The following ZFYVE26 variants were observed in gnomAD, a reference collection of about 807,000 sequenced individuals.
The protein encoded by ZFYVE26 is zinc finger FYVE-type containing 26, also known as zinc finger FYVE domain-containing protein 26.
In ZFYVE26, 181 loss-of-function variants were observed where a neutral mutation model predicts 276.5. The ratio of observed to expected loss-of-function variants is 0.65; its 90% CI spans 0.58 to 0.74. The LOEUF (loss-of-function observed/expected upper bound fraction) is 0.74. Among genes scored for constraint, ZFYVE26 ranks in the 30% least tolerant of loss-of-function variants. The probability of loss-of-function intolerance (pLI) is 0.00; values close to 1 mark genes in which losing one functional copy is unlikely to be tolerated. For missense variants in ZFYVE26, 2,821 were observed against 3,097.9 expected (o/e 0.91, Z 2.12); for synonymous variants, 1,129 against 1,203.1 (o/e 0.94, Z 1.27).
intron 38 of ZFYVE26, 63 bp downstream of exon 38, chr14:67,754,008 A>T: frequency 6.2e-7 from 1 of 1,611,528 alleles, no homozygotes; most frequent in Non-Finnish European, 8.5e-7. Context: ...AGACAACTGC[A>T]ATTATGATAA....
intron 35 of ZFYVE26, among the ~76,000 whole-genome samples, chr14:67,758,118 A>C (rs1028077662): frequency 1.3e-5 from 2 of 152,216 alleles, no homozygotes; most frequent in Admixed American, 1.3e-4. Context: ...TAATTAACGG[A>C]GAGTCAAGGA....
chr14:67,811,357 A>G (rs17104700), intron 3 of ZFYVE26, among the ~76,000 whole-genome samples: 5,076 of 152,332 alleles, frequency 0.033, 197 homozygotes, highest in African/African-American at 0.087. Context: ...GATGTCATGC[A>G]AAAGTGGAAC....
At chr14:67,773,174 G>A (rs2039256903) in intron 27 of ZFYVE26, among the ~76,000 whole-genome samples, 1 of 152,108 alleles carries the variant, frequency 6.6e-6, no homozygotes, top group Non-Finnish European at 1.5e-5. Flanking sequence ...TTTGTTTTAT[G>A]AAAGTCCTTA....
chr14:67,792,239 A>G (rs888642496), intron 14 of ZFYVE26, among the ~76,000 whole-genome samples: 5 of 152,152 alleles, frequency 3.3e-5, no homozygotes, highest in African/African-American at 9.7e-5. Context: ...AACTCACATG[A>G]AAGAACAATT....
rs1382149772 is a variant in ZFYVE26, at chr14:67,776,006, T to A, written c.5075A>T (p.Asp1692Val). 8.7e-6 allele frequency: 14 copies of A among 1,614,036 alleles called. No homozygotes were observed. The Admixed American group carries it at 2.3e-4, about 27-fold the overall frequency. ...AGTCTGCACAGCCACAGTGGCCCAATCCACCTTCATGTTCATAAGCAGCTG... is the reference window on the plus strand; with the variant it reads ...AGTCTGCACAGCCACAGTGGCCCAAACCACCTTCATGTTCATAAGCAGCTG... The part of the protein sequence containing the change: ...LEQLLMNMKV[D>V]WATVAVQTLQ... The change falls in exon 26 of 42, where the codon GAT (aspartate) becomes GTT (valine). Residue 1692 changes from aspartate (D) to valine (V), a missense_variant. By Grantham distance (152) the Asp-to-Val change is radical. Transcript: ENST00000347230.
intron 13 of ZFYVE26, among the ~76,000 whole-genome samples, chr14:67,736,799 G>T (rs2038358188): frequency 6.6e-6 from 1 of 152,212 alleles, no homozygotes. Flanking sequence ...CTATAGGGGA[G>T]TGAGAGAAGC....
At chr14:67,751,135 G>C (rs1203358562) in intron 40 of ZFYVE26, 39 bp from the exon 41 acceptor site, 1 of 1,613,300 alleles carries the variant, frequency 6.2e-7, no homozygotes, top group Non-Finnish European at 8.5e-7. Context: ...AGGGAGAAGA[G>C]TCCCGCAGTC....
At chr14:67,787,056 G>A (rs1485196406) in intron 16 of ZFYVE26, among the ~76,000 whole-genome samples, 1 of 152,188 alleles carries the variant, frequency 6.6e-6, no homozygotes, top group Non-Finnish European at 1.5e-5. Context: ...GTAGTAAGGG[G>A]TGGGGGAAGA....
At chr14:67,805,821 G>A (rs184273346) in intron 6 of ZFYVE26, among the ~76,000 whole-genome samples, 237 of 152,308 alleles carry the variant, frequency 1.6e-3, no homozygotes, top group Non-Finnish European at 2.5e-3. Flanking sequence ...TTGAGGTCAG[G>A]AGTTTGAGAC....
intron 9 of ZFYVE26, among the ~76,000 whole-genome samples, chr14:67,803,873 A>C (rs1371373883): frequency 6.6e-6 from 1 of 152,222 alleles, no homozygotes; most frequent in Non-Finnish European, 1.5e-5. Flanking sequence ...ACAAGGACAA[A>C]GAATGCAGGA....
intron 12 of ZFYVE26, among the ~76,000 whole-genome samples, chr14:67,795,639 T>C (rs979351460): frequency 2.6e-5 from 4 of 152,148 alleles, no homozygotes; most frequent in African/African-American, 9.7e-5. Context: ...TCCTTTTAAT[T>C]TTTAAAAGAT....
In ZFYVE26 at chr14:67,775,944, T is replaced by C; in HGVS notation, c.5137A>G (p.Thr1713Ala). The C allele has an allele frequency of 1.2e-6, 2 of 1,614,216 alleles. No homozygotes were observed. The highest frequency in any genetic ancestry group is 1.7e-6 in the Non-Finnish European group (2 of 1,180,036). The change falls in exon 26 of 42, where the codon ACT becomes GCT. Residue 1713 changes from threonine (T) to alanine (A), a missense_variant. Coordinates refer to ENST00000347230, the MANE Select transcript of ZFYVE26 (RefSeq NM_015346.4). ...QLLVGQEIGF[T>A]MDEVDSLLSR... is the part of the protein sequence containing the mutation. ...AGCAGTGAGTCCACCTCGTCCATAG[T>C]GAAGCCAATCTCCTGTCCAACCAGC... is the stretch of plus-strand genomic sequence containing the variant.
intron 32 of ZFYVE26, 24 bp downstream of exon 32, chr14:67,766,203 G>C (rs1165917637): frequency 6.2e-7 from 1 of 1,609,696 alleles, no homozygotes; most frequent in South Asian, 1.1e-5. Flanking sequence ...CTGTGTAAAA[G>C]AATAGAGACC....
chr14:67,779,924 T>G (rs928597816), intron 23 of ZFYVE26, among the ~76,000 whole-genome samples: 3 of 152,258 alleles, frequency 2.0e-5, no homozygotes, highest in East Asian at 3.9e-4. Flanking sequence ...CAGGCTAGAG[T>G]GCAGTGGTGC....
intron 4 of ZFYVE26, among the ~76,000 whole-genome samples, chr14:67,808,797 A>G (rs565270387): frequency 8.5e-5 from 13 of 152,280 alleles, no homozygotes; most frequent in African/African-American, 2.9e-4. Context: ...CTCAGGCACT[A>G]AAGTAGTAAC....
In ZFYVE26 at chr14:67,754,133, T is replaced by G; in HGVS notation, c.7066A>C (p.Thr2356Pro). The change falls in exon 38 of 42, where the codon ACC (threonine) becomes CCC (proline). Residue 2356 changes from threonine to proline, a missense_variant. Thr to Pro is a conservative substitution (Grantham distance 38). Coordinates refer to ENST00000347230, the MANE Select transcript of ZFYVE26 (RefSeq NM_015346.4). ...AACAGGGTTGGCAGAGGCAAAGTGG[T>G]GATTTGAGAGGTCCCAGCACTTTCG... is the stretch of plus-strand genomic sequence containing the variant. ...RCESAGTSQI[T>P]TLPLPTLFGN... is the part of the protein sequence containing the mutation. 1 of 1,614,222 alleles carries G rather than the reference T, an allele frequency of 6.2e-7. No individual in the cohort carries two copies. Among genetic ancestry groups the G allele is most frequent in the Middle Eastern group, 1.6e-4 (1 of 6,062 alleles).
At chr14:67,748,723 A>G in intron 41 of ZFYVE26, 84 bp from the exon 42 acceptor site, 1 of 1,443,672 alleles carries the variant, frequency 6.9e-7, no homozygotes, top group Non-Finnish European at 9.6e-7. Flanking sequence ...AAGCTCGGGC[A>G]GACAGACACC....
At chr14:67,799,363 C>A in intron 10 of ZFYVE26, 1 of 1,610,550 alleles carries the variant, frequency 6.2e-7, no homozygotes, top group Non-Finnish European at 8.5e-7. Context: ...AGGCCTTTGT[C>A]AAAGAATCGA....
In ZFYVE26 at chr14:67,732,226, C is replaced by T. The variant is rs369693972; in HGVS notation, n.2680-2407G>A. ...CCAAGGCAGGAGGATTGCTTGAGCT[C>T]GGGAATTCCATACCAGCCTGGACAA... On this transcript the variant is annotated intron_variant and non_coding_transcript_variant, in intron 13 of 14. Coordinates refer to the ZFYVE26 transcript ENST00000394455. 5.3e-5 allele frequency among the ~76,000 whole-genome samples: 8 copies of T among 151,474 alleles called. No individual in the cohort carries two copies. The East Asian group carries it at 5.9e-4, about 11-fold the overall frequency.
Sources: allele counts gnomAD v4.1 joint callset (sites outside exome capture counted in the v4.1 genomes callset), GRCh38; gene constraint gnomAD v4.1.1; transcripts MANE v1.5; gene names NCBI Gene and HGNC (gene_info 2026-07-23, HGNC 2026-07-21).